Variants in SLC29A1 observed in about 807,000 individuals in gnomAD.
The protein encoded by SLC29A1 is solute carrier family 29 member 1 (Augustine blood group).
SLC29A1 carries 22 observed loss-of-function variants against 48.3 expected under a neutral mutation model. The ratio of observed to expected loss-of-function variants is 0.46; its 90% confidence interval spans 0.33 to 0.65. SLC29A1 has a LOEUF of 0.65. Among genes scored for constraint, SLC29A1 ranks in the 30% least tolerant of loss-of-function variants. SLC29A1 has a pLI of 0.03. For synonymous variants in SLC29A1, 228 were observed against 231.0 expected (o/e 0.99, Z 0.12); for missense variants, 491 against 575.3 (o/e 0.85, Z 1.50).
chr6:44,231,980 T>C lies in SLC29A1; in HGVS notation c.865-18T>C. 6.3e-7 allele frequency: 1 copy of C among 1,575,368 alleles called. No homozygotes were observed. Among genetic ancestry groups the C allele is most frequent in the South Asian group, 1.1e-5 (1 of 90,194 alleles). ...ATGAAGACACAGGCATTTGGGTGAC[T>C]CTACCCCTTCTATCTAGATCTCAGT... On this transcript the variant is annotated intron_variant, in intron 9 of 12. Transcript: ENST00000371755.
chr6:44,223,255 G>A (rs917577901), upstream of SLC29A1, among the ~76,000 whole-genome samples: 5 of 151,566 alleles, frequency 3.3e-5, no homozygotes, highest in Non-Finnish European at 5.9e-5. This position sits in a 1 kb window ranked among gnomAD's most constrained non-coding sequence, Gnocchi z 5.0. Flanking sequence ...TGAGCAGCGG[G>A]TGTGTAAATG....
intron 1 of SLC29A1, chr6:44,226,232 C>T: frequency 2.2e-6 from 1 of 462,540 alleles, no homozygotes; most frequent in Non-Finnish European, 2.8e-6. Context: ...GGCCTGGGCC[C>T]AGCTAGGCCT....
upstream of SLC29A1, among the ~76,000 whole-genome samples, chr6:44,220,344 A>T (rs1462365423): frequency 7.9e-6 from 1 of 126,514 alleles, no homozygotes. Flanking sequence ...TGCTCAGCTA[A>T]TTTTTTTTTT....
In SLC29A1 at chr6:44,231,442, T is replaced by A; in HGVS notation, c.845T>A (p.Ile282Asn). The change falls in exon 9 of 13, where the codon ATC becomes AAC. Residue 282 changes from isoleucine (I) to asparagine (N), a missense_variant. Transcript: ENST00000371755. The stretch of plus-strand genomic sequence containing the variant: ...CAGCCCACCAATGAAAGCCACTCTA[T>A]CAAAGCCATCCTGAAAAATGTACGT... ...NSQPTNESHSIKAILKNISVL... is the reference protein window; with the variant it reads ...NSQPTNESHSNKAILKNISVL... The A allele has an allele frequency of 6.2e-7, 1 of 1,605,302 alleles. No individual in the cohort carries two copies. Among genetic ancestry groups the A allele is most frequent in the Non-Finnish European group, 8.5e-7 (1 of 1,174,224 alleles).
intron 9 of SLC29A1, 89 bp from the exon 10 acceptor site, chr6:44,231,909 C>T: frequency 1.0e-6 from 1 of 953,004 alleles, no homozygotes; most frequent in Non-Finnish European, 1.7e-6. Flanking sequence ...CAGGCGTGAG[C>T]CACCACGCCT....
Position 44,232,523 on chromosome 6 carries a change from C to A in SLC29A1, c.1059+95C>A. ...CCAAGAAAGTATGGTAGTAAGGGGA[C>A]CATTTGTTTTAAAGTCGAGGCATAA... is the stretch of plus-strand genomic sequence containing the variant. On this transcript the variant is annotated intron_variant, in intron 11 of 12. Coordinates refer to ENST00000371755, the MANE Select transcript of SLC29A1 (RefSeq NM_001372327.1). The surrounding 1 kb of genome is among the most constrained non-coding windows in gnomAD (Gnocchi z 4.7). 1 of 831,576 alleles carries A rather than the reference C, an allele frequency of 1.2e-6. No homozygotes were observed. Among genetic ancestry groups the A allele is most frequent in the Non-Finnish European group, 2.0e-6 (1 of 499,714 alleles). The allele number at this position is 831,576 out of a possible 1,614,324, so 51.5% of individuals were successfully genotyped here.
At chr6:44,228,659 A>G (rs1323536921) in intron 2 of SLC29A1, among the ~76,000 whole-genome samples, 1 of 152,252 alleles carries the variant, frequency 6.6e-6, no homozygotes, top group Non-Finnish European at 1.5e-5. Flanking sequence ...GGCAAGGCCT[A>G]TCTGGGAGAA....
Position 44,229,934 on chromosome 6 carries a change from C to T in SLC29A1, c.342C>T (p.Gly114=), listed in dbSNP as rs1428246348. ...TCCCCCAGTCCGTACGGATCCTGGGCAGCCTGGTGGCCATCCTGCTGGTGT... is the reference window on the plus strand; with the variant it reads ...TCCCCCAGTCCGTACGGATCCTGGGTAGCCTGGTGGCCATCCTGCTGGTGT... The part of the protein sequence containing the change: ...QRIPQSVRIL[G]SLVAILLVFL... The change falls in exon 5 of 13, where the codon GGC becomes GGT. Residue 114 remains glycine, a synonymous_variant. Coordinates refer to ENST00000371755, the MANE Select transcript of SLC29A1 (RefSeq NM_001372327.1). This position sits in a 1 kb window ranked among gnomAD's most constrained non-coding sequence, Gnocchi z 5.1. 1 of 1,613,560 alleles carries T rather than the reference C, an allele frequency of 6.2e-7. No individual in the cohort carries two copies. Among genetic ancestry groups the T allele is most frequent in the Non-Finnish European group, 8.5e-7 (1 of 1,180,036 alleles).
In SLC29A1 at chr6:44,232,610, T is replaced by C. The variant is rs1451983335; in HGVS notation, c.1059+182T>C. 4.7e-6 allele frequency: 3 copies of C among 643,352 alleles called. No individual in the cohort carries two copies. The highest frequency in any genetic ancestry group is 2.8e-5 in the Admixed American group (1 of 35,680). 39.9% of individuals were successfully genotyped at this position (643,352 alleles called of 1,614,324 possible). ...CTTAATGAATATATGTATATACACA[T>C]ACCTGCCCAGATCGAGATGTAGAAT... On this transcript the variant is annotated intron_variant, in intron 11 of 12. Coordinates refer to ENST00000371755, the MANE Select transcript of SLC29A1 (RefSeq NM_001372327.1). This position sits in a 1 kb window ranked among gnomAD's most constrained non-coding sequence, Gnocchi z 4.7.
At chr6:44,224,107 G>A (rs1238741147) in intron 1 of SLC29A1, among the ~76,000 whole-genome samples, 1 of 152,024 alleles carries the variant, frequency 6.6e-6, no homozygotes, top group Non-Finnish European at 1.5e-5. Flanking sequence ...GGCTAAACTC[G>A]TATCCCTGGC....
chr6:44,233,123 G>C, intron 12 of SLC29A1, 117 bp downstream of exon 12: 1 of 1,125,372 alleles, frequency 8.9e-7, no homozygotes, highest in Admixed American at 1.9e-5. Context: ...TGAGAGGAGA[G>C]ATGGCTCAGG....
chr6:44,223,689 A>C lies in SLC29A1; in HGVS notation c.-52+48A>C. ...GGGGACTGGGGACTGCCGGGGCGGA[A>C]GACGCCGCTGCCCGCCTGCCACGGA... On this transcript the variant is annotated intron_variant, in intron 1 of 12. Transcript: ENST00000371755. The surrounding 1 kb of genome is among the most constrained non-coding windows in gnomAD (Gnocchi z 5.0). 1 of 1,129,294 alleles carries C rather than the reference A, an allele frequency of 8.9e-7. No individual in the cohort carries two copies. Among genetic ancestry groups the C allele is most frequent in the Non-Finnish European group, 1.1e-6 (1 of 904,688 alleles). The allele number at this position is 1,129,294 out of a possible 1,614,324, so 70.0% of individuals were successfully genotyped here.
In SLC29A1 at chr6:44,231,438, T is replaced by G; in HGVS notation, c.841T>G (p.Ser281Ala). ...SNSQPTNESHSIKAILKNISV... is the reference protein window; with the variant it reads ...SNSQPTNESHAIKAILKNISV... ...CTCTCAGCCCACCAATGAAAGCCAC[T>G]CTATCAAAGCCATCCTGAAAAATGT... is the stretch of plus-strand genomic sequence containing the variant. Residue 281 changes from serine (S) to alanine (A), a missense_variant, in exon 9 of 13, where the codon TCT (serine) becomes GCT (alanine). Coordinates refer to ENST00000371755, the MANE Select transcript of SLC29A1 (RefSeq NM_001372327.1). 1 of 1,606,158 alleles carries G rather than the reference T, an allele frequency of 6.2e-7. No homozygotes were observed. The highest frequency in any genetic ancestry group is 8.5e-7 in the Non-Finnish European group (1 of 1,174,928).
In SLC29A1 at chr6:44,233,475, C is replaced by T. The variant is rs879376421; in HGVS notation, c.1318C>T (p.Leu440=). 7 of 1,614,044 alleles carry T rather than the reference C, an allele frequency of 4.3e-6. No individual in the cohort carries two copies. Among genetic ancestry groups the T allele is most frequent in the Non-Finnish European group, 5.1e-6 (6 of 1,180,018 alleles). ...AGCCATCATGGCCTTCTTCCTGTGT[C>T]TGGGTCTGGCACTGGGGGCTGTTTT... ...AGAIMAFFLC[L]GLALGAVFSF... is the part of the protein sequence containing the mutation. Residue 440 remains leucine, a synonymous_variant, in exon 13 of 13, where the codon CTG becomes TTG. Transcript: ENST00000371755.
chr6:44,230,085 G>A (rs1428209892), intron 5 of SLC29A1, 39 bp downstream of exon 5: 3 of 1,599,900 alleles, frequency 1.9e-6, no homozygotes, highest in East Asian at 2.2e-5. Context: ...GAGGAGGCAT[G>A]CCCAACTACC....
chr6:44,232,572 C>T lies in SLC29A1; in HGVS notation c.1059+144C>T. ...AATTTATGTATAGTTAAGTACAAGTCTTAAGTGTACAACTTAATGAATATA... is the reference window on the plus strand; with the variant it reads ...AATTTATGTATAGTTAAGTACAAGTTTTAAGTGTACAACTTAATGAATATA... On this transcript the variant is annotated intron_variant, in intron 11 of 12. Transcript: ENST00000371755. The surrounding 1 kb of genome is among the most constrained non-coding windows in gnomAD (Gnocchi z 4.7). 1.5e-6 allele frequency: 1 copy of T among 661,400 alleles called. No homozygotes were observed. The highest frequency in any genetic ancestry group is 2.8e-5 in the Admixed American group (1 of 35,292). The allele number at this position is 661,400 out of a possible 1,614,324, so 41.0% of individuals were successfully genotyped here. A position where few individuals can be genotyped will look rare whatever the true frequency, so the allele number is the denominator to read the frequency against.
In SLC29A1 at chr6:44,232,431, A is replaced by G. The variant is rs1358705622; in HGVS notation, c.1059+3A>G. 1 of 1,603,696 alleles carries G rather than the reference A, an allele frequency of 6.2e-7. No homozygotes were observed. On this transcript the variant is annotated splice_donor_region_variant and intron_variant, in intron 11 of 12. Transcript: ENST00000371755. This position sits in a 1 kb window ranked among gnomAD's most constrained non-coding sequence, Gnocchi z 4.7. ...GCCTCACAGCTGTATTCATGTGGGTAAGTGGAGGAAGAGGGCCCCAGGCCC... is the reference window on the plus strand; with the variant it reads ...GCCTCACAGCTGTATTCATGTGGGTGAGTGGAGGAAGAGGGCCCCAGGCCC...
Position 44,227,294 on chromosome 6 carries a change from A to G in SLC29A1, c.-20A>G. 1 of 1,614,100 alleles carries G rather than the reference A, an allele frequency of 6.2e-7. No individual in the cohort carries two copies. The highest frequency in any genetic ancestry group is 8.5e-7 in the Non-Finnish European group (1 of 1,179,984). On this transcript the variant is annotated 5_prime_UTR_variant, in exon 2 of 13. Coordinates refer to ENST00000371755, the MANE Select transcript of SLC29A1 (RefSeq NM_001372327.1). ...GAGGGAGGGAGCTGTCAGCCAGGGAAAACCGAGAACACCATCACCATGACA... is the reference window on the plus strand; with the variant it reads ...GAGGGAGGGAGCTGTCAGCCAGGGAGAACCGAGAACACCATCACCATGACA...
chr6:44,223,805 G>T lies in SLC29A1; in HGVS notation c.-52+164G>T. 9.8e-7 allele frequency: 1 copy of T among 1,020,160 alleles called. No homozygotes were observed. Among genetic ancestry groups the T allele is most frequent in the Non-Finnish European group, 1.2e-6 (1 of 849,984 alleles). The allele number at this position is 1,020,160 out of a possible 1,614,324, so 63.2% of individuals were successfully genotyped here. ...CGGAGCGTGCGGAGCCGCGCAGCAC[G>T]TGGCGCGCACGGGCCAGGGAGCCTG... is the stretch of plus-strand genomic sequence containing the variant. On this transcript the variant is annotated intron_variant, in intron 1 of 12. Transcript: ENST00000371755. This position sits in a 1 kb window ranked among gnomAD's most constrained non-coding sequence, Gnocchi z 5.0.
Sources: gnomAD v4.1 joint callset for allele counts (sites outside exome capture counted in the v4.1 genomes callset) on GRCh38, gnomAD v4.1.1 for gene constraint, Gnocchi (gnomAD v3.1) non-coding constraint, MANE v1.5 for transcripts, NCBI Gene and HGNC (gene_info 2026-07-23, HGNC 2026-07-21) for gene names.